DCAF5: variants seen among roughly 807,000 people sequenced by gnomAD.
DCAF5 encodes DDB1- and CUL4-associated factor 5.
Under a neutral mutation model 80.7 loss-of-function variants are expected in DCAF5, and 9 were observed. The observed-to-expected ratio is 0.11, with a 90% confidence interval of 0.07 to 0.19. DCAF5 has a LOEUF of 0.19. DCAF5 is among the 10% of genes least tolerant of loss of function. The pLI is 1.00. For missense variants in DCAF5, 842 were observed against 1,205.7 expected (o/e 0.70, Z 4.47); for synonymous variants, 433 against 461.9 (o/e 0.94, Z 0.80).
Position 69,118,356 on chromosome 14 carries a change from G to A in DCAF5, c.396-78C>T. On this transcript the variant is annotated intron_variant, in intron 3 of 8. Coordinates refer to ENST00000341516, the MANE Select transcript of DCAF5 (RefSeq NM_003861.3). The surrounding 1 kb of genome is among the most constrained non-coding windows in gnomAD (Gnocchi z 4.0). ...CAGAGTCCCAGCACTTTGGTACCGAGGGTGCCATCTTTTCCATTTCTAGAA... is the reference window on the plus strand; with the variant it reads ...CAGAGTCCCAGCACTTTGGTACCGAAGGTGCCATCTTTTCCATTTCTAGAA... 1 of 1,404,212 alleles carries A rather than the reference G, an allele frequency of 7.1e-7. No individual in the cohort carries two copies. The highest frequency in any genetic ancestry group is 9.5e-7 in the Non-Finnish European group (1 of 1,049,934). The allele number at this position is 1,404,212 out of a possible 1,614,324, so 87.0% of individuals were successfully genotyped here. A position where few individuals can be genotyped will look rare whatever the true frequency, so the allele number is the denominator to read the frequency against.
At chr14:69,111,981 G>A (rs2040383718) in intron 5 of DCAF5, among the ~76,000 whole-genome samples, 1 of 152,114 alleles carries the variant, frequency 6.6e-6, no homozygotes, top group Non-Finnish European at 1.5e-5. Flanking sequence ...AGAAGTGGTG[G>A]GACCCTTAAC....
At position 69,118,226 on chromosome 14, in the gene DCAF5, C is replaced by G; in HGVS notation, c.448G>C (p.Val150Leu). 1 of 1,613,950 alleles carries G rather than the reference C, an allele frequency of 6.2e-7. No homozygotes were observed. The highest frequency in any genetic ancestry group is 8.5e-7 in the Non-Finnish European group (1 of 1,179,916). ...AHEDAVYGLS[V>L]SPVNDNIFAS... The stretch of plus-strand genomic sequence containing the variant: ...AAAATGTTGTCATTCACTGGGCTCA[C>G]AGACAAGCCATATACTGCATCTTCA... The change falls in exon 4 of 9, where the codon GTG becomes CTG. Residue 150 changes from valine to leucine, a missense_variant. Val to Leu is a conservative substitution (Grantham distance 32). Around this residue, in one of 5 missense-constraint regions of DCAF5, gnomAD observed 142 missense variants for 311.9 expected, o/e 0.46. Coordinates refer to ENST00000341516, the MANE Select transcript of DCAF5 (RefSeq NM_003861.3). The surrounding 1 kb of genome is among the most constrained non-coding windows in gnomAD (Gnocchi z 4.0).
At chr14:69,084,588 A>G (rs2039245569) in intron 6 of DCAF5, 1 of 811,800 alleles carries the variant, frequency 1.2e-6, no homozygotes, top group Non-Finnish European at 2.1e-6. Flanking sequence ...GAGCAGGGAT[A>G]TGTTGTTTGT....
intron 7 of DCAF5, among the ~76,000 whole-genome samples, chr14:69,070,008 G>T (rs576266897): frequency 2.1e-4 from 32 of 152,302 alleles, no homozygotes; most frequent in African/African-American, 6.3e-4. Flanking sequence ...ATTGTTGTTG[G>T]TGGTGGTATT....
intron 7 of DCAF5, among the ~76,000 whole-genome samples, chr14:69,063,801 T>G (rs2038327014): frequency 6.6e-6 from 1 of 152,220 alleles, no homozygotes; most frequent in Non-Finnish European, 1.5e-5. Context: ...ATATCTTTTT[T>G]ATGACAGCAA....
At position 69,118,269 on chromosome 14, in the gene DCAF5, T is replaced by C; in HGVS notation, c.405A>G (p.Thr135=). The C allele has an allele frequency of 1.2e-6, 2 of 1,613,748 alleles. No individual in the cohort carries two copies. Among genetic ancestry groups the C allele is most frequent in the South Asian group, 2.2e-5 (2 of 91,060 alleles). The change falls in exon 4 of 9, where the codon ACA becomes ACG. Residue 135 remains threonine (T), a synonymous_variant. Transcript: ENST00000341516. This position sits in a 1 kb window ranked among gnomAD's most constrained non-coding sequence, Gnocchi z 4.0. ...VILHDVESSE[T]LDVFAHEDAV... ...CATCTTCATGAGCAAACACGTCCAATGTCTCACTGCTGGGAGATAAGAGAG... is the reference window on the plus strand; with the variant it reads ...CATCTTCATGAGCAAACACGTCCAACGTCTCACTGCTGGGAGATAAGAGAG...
intron 1 of DCAF5, among the ~76,000 whole-genome samples, chr14:69,148,622 G>A (rs1485271813): frequency 6.6e-6 from 1 of 152,084 alleles, no homozygotes; most frequent in Non-Finnish European, 1.5e-5. Flanking sequence ...TTGAACCCAG[G>A]AGGCGGAGGT....
At chr14:69,089,423 T>A (rs1485064902) in intron 6 of DCAF5, 1 of 152,204 alleles carries the variant, frequency 6.6e-6, no homozygotes, top group African/African-American at 2.4e-5. Flanking sequence ...TGACTTTGCA[T>A]CTTCTTTCAA....
intron 5 of DCAF5, among the ~76,000 whole-genome samples, chr14:69,101,196 G>C (rs1566754650): frequency 6.6e-6 from 1 of 152,190 alleles, no homozygotes; most frequent in Non-Finnish European, 1.5e-5. Flanking sequence ...AGAATATGCT[G>C]TGGAGATGGA....
intron 7 of DCAF5, among the ~76,000 whole-genome samples, chr14:69,063,543 A>G (rs2038313985): frequency 6.6e-6 from 1 of 152,240 alleles, no homozygotes; most frequent in Admixed American, 6.5e-5. Context: ...TACCAGGAGC[A>G]TGGCGCCACT....
chr14:69,118,412 T>A lies in DCAF5; in HGVS notation c.396-134A>T. The A allele has an allele frequency of 1.2e-6, 1 of 843,796 alleles. No individual in the cohort carries two copies. The highest frequency in any genetic ancestry group is 2.7e-5 in the East Asian group (1 of 37,342). The allele number at this position is 843,796 out of a possible 1,614,324, so 52.3% of individuals were successfully genotyped here. On this transcript the variant is annotated intron_variant, in intron 3 of 8. Transcript: ENST00000341516. The surrounding 1 kb of genome is among the most constrained non-coding windows in gnomAD (Gnocchi z 4.0). ...TCAACCTAGCTAAACCCAAAAAATA[T>A]TATATTTCCTGAAAGGTAGGTAGTC...
chr14:69,116,321 T>C lies in DCAF5; in HGVS notation c.665+45A>G, dbSNP rs560500640. 7.6e-6 allele frequency: 12 copies of C among 1,585,280 alleles called. No individual in the cohort carries two copies. In the Admixed American group the frequency reaches 1.7e-4, roughly 23 times the overall value. On this transcript the variant is annotated intron_variant, in intron 5 of 8. Transcript: ENST00000341516. ...CTGGCTGGTCACATTACCTGAGAAATGAGGCAGAGGAAAGTTTTAACACCT... is the reference window on the plus strand; with the variant it reads ...CTGGCTGGTCACATTACCTGAGAAACGAGGCAGAGGAAAGTTTTAACACCT...
Position 69,053,913 on chromosome 14 carries a change from C to CA in DCAF5, c.2772dup (p.Glu925Ter). On this transcript the variant is annotated frameshift_variant, in exon 9 of 9. Coordinates refer to ENST00000341516, the MANE Select transcript of DCAF5 (RefSeq NM_003861.3). LOFTEE classifies it high-confidence loss of function. ...TTCTCTGAATCTGTATCTTCCAATT[C>CA]AATTCGTTGCCTTTTGAGGCCACTG... 1 of 1,611,496 alleles carries CA rather than the reference C, an allele frequency of 6.2e-7. No homozygotes were observed. Among genetic ancestry groups the CA allele is most frequent in the Non-Finnish European group, 8.5e-7 (1 of 1,179,476 alleles).
chr14:69,069,991 A>G (rs944968017), intron 7 of DCAF5, among the ~76,000 whole-genome samples: 1 of 152,174 alleles, frequency 6.6e-6, no homozygotes, highest in Non-Finnish European at 1.5e-5. Flanking sequence ...AATCCTAAGA[A>G]AGTATTATTG....
intron 6 of DCAF5, among the ~76,000 whole-genome samples, chr14:69,082,498 CA>C (rs1268670394): frequency 2.6e-5 from 4 of 152,000 alleles, no homozygotes; most frequent in African/African-American, 9.7e-5. Flanking sequence ...CAGCCAATAA[CA>C]GTCAAATAAT....
intron 1 of DCAF5, among the ~76,000 whole-genome samples, chr14:69,151,363 T>C (rs1048025378): frequency 1.3e-5 from 2 of 152,212 alleles, no homozygotes; most frequent in South Asian, 4.1e-4. Context: ...CAAATTGGAC[T>C]GTACGCCCCA....
At chr14:69,061,654 T>C (rs749625855) in intron 8 of DCAF5, among the ~76,000 whole-genome samples, 1 of 152,222 alleles carries the variant, frequency 6.6e-6, no homozygotes, top group Non-Finnish European at 1.5e-5. Flanking sequence ...TGGCAATCAG[T>C]AGTTTTATCC....
At chr14:69,060,620 G>A (rs758561423) in intron 8 of DCAF5, among the ~76,000 whole-genome samples, 15 of 151,594 alleles carry the variant, frequency 9.9e-5, no homozygotes, top group Non-Finnish European at 1.8e-4. Context: ...CAACCTCCGC[G>A]TCCTGGGTTC....
intron 8 of DCAF5, among the ~76,000 whole-genome samples, chr14:69,057,831 C>G (rs2038035027): frequency 1.3e-5 from 2 of 152,102 alleles, no homozygotes; most frequent in Non-Finnish European, 2.9e-5. Flanking sequence ...AAAACAAAAC[C>G]TTCACTCCAG....
Sources: gnomAD v4.1 joint callset for allele counts (sites outside exome capture counted in the v4.1 genomes callset) on GRCh38, gnomAD v4.1.1 for gene constraint, gnomAD v4.1.1 regional missense constraint, Gnocchi (gnomAD v3.1) non-coding constraint, MANE v1.5 for transcripts, NCBI Gene and HGNC (gene_info 2026-07-23, HGNC 2026-07-21) for gene names.